PI4KA: variants seen among roughly 807,000 people sequenced by gnomAD.
PI4KA encodes phosphatidylinositol 4-kinase alpha, also known as PI4-kinase alpha.
PI4KA carries 122 observed loss-of-function variants against 271.4 expected under a neutral mutation model. The ratio of observed to expected loss-of-function variants is 0.45; its 90% CI spans 0.39 to 0.52. PI4KA has a LOEUF of 0.52. Among genes scored for constraint, PI4KA ranks in the 20% least tolerant of loss-of-function variants. The probability of loss-of-function intolerance (pLI) is 0.00; values close to 1 mark genes in which losing one functional copy is unlikely to be tolerated. For synonymous variants in PI4KA, 1,041 were observed against 1,078.8 expected, an observed-to-expected ratio of 0.96 and a Z score of 0.69; for missense variants, 1,969 against 2,769.1, an observed-to-expected ratio of 0.71 and a Z score of 6.48.
chr22:20,838,705 T>C lies in PI4KA; in HGVS notation c.183A>G (p.Pro61=), dbSNP rs748241109. 2 of 1,612,550 alleles carry C rather than the reference T, an allele frequency of 1.2e-6. No homozygotes were observed. The highest frequency in any genetic ancestry group is 1.7e-6 in the Non-Finnish European group (2 of 1,178,628). Residue 61 remains proline, a synonymous_variant, in exon 2 of 55, where the codon CCA becomes CCG. Coordinates refer to ENST00000255882, the MANE Select transcript of PI4KA (RefSeq NM_058004.4). ...EKVQKLLCMC[P]VDFHGIFQLD... ...ACTGGAAGATCCCATGGAAATCCAC[T>C]GGACACATGCAAAGAAGCTTTTGGA...
At chr22:20,790,566 CAGG>C (rs1160670592) in intron 19 of PI4KA, among the ~76,000 whole-genome samples, 1 of 151,740 alleles carries the variant, frequency 6.6e-6, no homozygotes, top group African/African-American at 2.4e-5. Flanking sequence ...AAGGCTGAGG[CAGG>C]AGAATAGCTT....
At position 20,729,953 on chromosome 22, in the gene PI4KA, G is replaced by A. The variant is rs1601350788; in HGVS notation, c.4347C>T (p.Thr1449=). 2.5e-6 allele frequency: 4 copies of A among 1,614,190 alleles called. No homozygotes were observed. The East Asian group carries it at 8.9e-5, about 36-fold the overall frequency. The stretch of plus-strand genomic sequence containing the variant: ...GGGGGTATGTGTTGATCCAGCCTTG[G>A]GTGGCTTGTTGCCGAGAGCCGACAG... The part of the protein sequence containing the change: ...DITVGSRQQA[T]QGWINTYPLS... Residue 1449 remains threonine (T), a synonymous_variant, in exon 37 of 55, where the codon ACC becomes ACT. Transcript: ENST00000255882.
At chr22:20,814,053 C>A (rs902764552) in intron 7 of PI4KA, among the ~76,000 whole-genome samples, 8 of 152,202 alleles carry the variant, frequency 5.3e-5, no homozygotes, top group African/African-American at 1.9e-4. Flanking sequence ...CCTGTCTCGG[C>A]CTCCCAAAGT....
intron 23 of PI4KA, among the ~76,000 whole-genome samples, chr22:20,759,599 T>C (rs1003645297): frequency 2.6e-5 from 4 of 151,866 alleles, no homozygotes; most frequent in African/African-American, 7.3e-5. Context: ...AGAGTCTCAC[T>C]CTGTCACCAA....
intron 1 of PI4KA, among the ~76,000 whole-genome samples, chr22:20,849,214 T>G (rs60495887): frequency 1.3e-5 from 2 of 152,180 alleles, no homozygotes; most frequent in Non-Finnish European, 2.9e-5. Context: ...GGTGACAATG[T>G]AAAGAAAACA....
At chr22:20,754,392 T>C (rs1342644729) in intron 23 of PI4KA, among the ~76,000 whole-genome samples, 1 of 152,118 alleles carries the variant, frequency 6.6e-6, no homozygotes, top group African/African-American at 2.4e-5. Flanking sequence ...CCAGTCCCTT[T>C]CTCTATTCTT....
chr22:20,790,305 T>C (rs1934546872), intron 19 of PI4KA, among the ~76,000 whole-genome samples: 1 of 152,108 alleles, frequency 6.6e-6, no homozygotes, highest in East Asian at 1.9e-4. Context: ...TGAGACACTG[T>C]GTCATCAAAG....
intron 29 of PI4KA, among the ~76,000 whole-genome samples, chr22:20,745,507 AAG>A (rs1459845269): frequency 1.3e-5 from 2 of 152,204 alleles, no homozygotes; most frequent in Non-Finnish European, 2.9e-5. Context: ...GGTGTGGAGA[AAG>A]AGGACCAGGA....
chr22:20,826,673 G>A (rs1047402417), intron 3 of PI4KA, among the ~76,000 whole-genome samples: 3 of 152,228 alleles, frequency 2.0e-5, no homozygotes, highest in Admixed American at 1.3e-4. Flanking sequence ...CACCAGCAGT[G>A]TGTAAGTGTT....
At chr22:20,843,792 C>A (rs1210902638) in intron 1 of PI4KA, among the ~76,000 whole-genome samples, 1 of 152,188 alleles carries the variant, frequency 6.6e-6, no homozygotes, top group Non-Finnish European at 1.5e-5. Flanking sequence ...CATTTTGTCT[C>A]TTCCTACTCC....
intron 4 of PI4KA, among the ~76,000 whole-genome samples, chr22:20,821,888 C>A (rs979916018): frequency 6.6e-6 from 1 of 152,210 alleles, no homozygotes. Context: ...AGCCACTGTG[C>A]CCAGCCAATC....
intron 1 of PI4KA, among the ~76,000 whole-genome samples, chr22:20,847,908 C>T (rs1926468828): frequency 6.6e-6 from 1 of 152,076 alleles, no homozygotes; most frequent in South Asian, 2.1e-4. Flanking sequence ...GGAAAGACAT[C>T]CCATGTTCAT....
chr22:20,794,940 A>G (rs1480612062), intron 18 of PI4KA, among the ~76,000 whole-genome samples: 1 of 152,216 alleles, frequency 6.6e-6, no homozygotes, highest in Non-Finnish European at 1.5e-5. Flanking sequence ...ATGGCCTGCA[A>G]AGCGTAAAAT....
Position 20,721,388 on chromosome 22 carries a change from C to A in PI4KA, c.5026G>T (p.Ala1676Ser), listed in dbSNP as rs747893645. Reference sequence around the variant, plus strand: ...GCCAGAAGCTGGGATTTAGACGCTGCCCACAGAATATACTCCCGCACATAG... The same window carrying A: ...GCCAGAAGCTGGGATTTAGACGCTGACCACAGAATATACTCCCGCACATAG... ...MGYVREYILW[A>S]ASKSQLLAHQ... is the part of the protein sequence containing the mutation. Residue 1676 changes from alanine to serine, a missense_variant, in exon 43 of 55, where the codon GCA becomes TCA. Ala to Ser is a moderately conservative substitution (Grantham distance 99). Coordinates refer to ENST00000255882, the MANE Select transcript of PI4KA (RefSeq NM_058004.4). The A allele has an allele frequency of 1.4e-5, 23 of 1,613,822 alleles. No individual in the cohort carries two copies. Among genetic ancestry groups the A allele is most frequent in the Non-Finnish European group, 1.9e-5 (23 of 1,179,938 alleles).
rs145172362 is a variant in PI4KA at position 20,776,404 on chromosome 22, G to A, written c.2329-10711C>T. On this transcript the variant is annotated intron_variant, in intron 19 of 54. Coordinates refer to ENST00000255882, the MANE Select transcript of PI4KA (RefSeq NM_058004.4). ...CTAGTGGCACTGCAGCCTGAGGCAG[G>A]TGCTGAGATGGGGACCTGGAAAAGG... Among the ~76,000 whole-genome samples, 732 of 152,322 alleles carry A rather than the reference G, an allele frequency of 4.8e-3. 4 individuals are homozygous for A. The highest frequency in any genetic ancestry group is 0.017 in the African/African-American group (703 of 41,576).
intron 2 of PI4KA, among the ~76,000 whole-genome samples, chr22:20,837,117 G>T (rs187375716): frequency 1.3e-5 from 2 of 152,162 alleles, no homozygotes; most frequent in East Asian, 3.8e-4. Flanking sequence ...AGCTGGGTAT[G>T]GTGGCACATG....
rs369418356 is a variant in PI4KA, at chr22:20,749,930, G to A, written c.3218C>T (p.Pro1073Leu). 1 of 1,612,294 alleles carries A rather than the reference G, an allele frequency of 6.2e-7. No homozygotes were observed. The highest frequency in any genetic ancestry group is 8.5e-7 in the Non-Finnish European group (1 of 1,178,428). ...CTGCAGGTGGGACTTGGTGACGGTA[G>A]GTGCCCACTTCATGGCCTCCTGGAG... ...MILQEAMKWA[P>L]TVTKSHLQEY... is the part of the protein sequence containing the mutation. Residue 1073 changes from proline to leucine, a missense_variant, in exon 28 of 55, where the codon CCT becomes CTT. Pro to Leu is a moderately conservative substitution (Grantham distance 98, BLOSUM62 -3). Coordinates refer to ENST00000255882, the MANE Select transcript of PI4KA (RefSeq NM_058004.4).
intron 1 of PI4KA, among the ~76,000 whole-genome samples, chr22:20,857,960 C>G (rs1041131253): frequency 1.3e-5 from 2 of 152,210 alleles, no homozygotes; most frequent in Non-Finnish European, 2.9e-5. Context: ...CTCTCCTTTC[C>G]CTGCCACTGT....
chr22:20,819,536 C>T (rs1922321438), intron 6 of PI4KA, 105 bp downstream of exon 6: 1 of 1,051,794 alleles, frequency 9.5e-7, no homozygotes, highest in South Asian at 1.5e-5. Context: ...TGAAACATTT[C>T]ACGTTACTTA....
Sources: allele counts gnomAD v4.1 joint callset (sites outside exome capture counted in the v4.1 genomes callset), GRCh38; gene constraint gnomAD v4.1.1; transcripts MANE v1.5; gene names NCBI Gene and HGNC (gene_info 2026-07-23, HGNC 2026-07-21).